Variants in FMNL2 observed in about 807,000 individuals in gnomAD.
FMNL2 encodes the protein formin like 2, also known as formin-like protein 2.
Under a neutral mutation model 130.2 loss-of-function variants are expected in FMNL2, and 51 were observed. That is an observed-to-expected ratio of 0.39 (90% CI 0.31 to 0.49). FMNL2 has a LOEUF of 0.49. FMNL2 is among the 20% of genes least tolerant of loss of function. The pLI, the probability that FMNL2 is intolerant of heterozygous loss-of-function variation, is 0.85. For missense variants in FMNL2, 977 were observed against 1,316.2 expected, an observed-to-expected ratio of 0.74 and a Z score of 3.99; for synonymous variants, 465 against 467.1, an observed-to-expected ratio of 1.00 and a Z score of 0.06.
chr2:152,593,611 G>C (rs1351546303), intron 9 of FMNL2, among the ~76,000 whole-genome samples: 1 of 152,164 alleles, frequency 6.6e-6, no homozygotes, highest in African/African-American at 2.4e-5. Context: ...TATGAGAATG[G>C]ACACGAGGAG....
chr2:152,339,220 G>A (rs1681660554), intron 1 of FMNL2, among the ~76,000 whole-genome samples: 1 of 151,734 alleles, frequency 6.6e-6, no homozygotes, highest in Admixed American at 6.6e-5. Flanking sequence ...ATCGGCTATC[G>A]TTAGTTTTTG....
At chr2:152,483,748 C>A (rs942961183) in intron 1 of FMNL2, among the ~76,000 whole-genome samples, 3 of 152,250 alleles carry the variant, frequency 2.0e-5, no homozygotes, top group African/African-American at 7.2e-5. Context: ...GGCGCCAGCA[C>A]TGCAACTACA....
chr2:152,458,945 G>A (rs927608708), intron 1 of FMNL2, among the ~76,000 whole-genome samples: 13 of 152,188 alleles, frequency 8.5e-5, no homozygotes, highest in African/African-American at 2.7e-4. Flanking sequence ...GTGCACCATC[G>A]TTTTGGAACC....
chr2:152,545,420 A>T (rs959222764), intron 3 of FMNL2, among the ~76,000 whole-genome samples: 25 of 151,846 alleles, frequency 1.6e-4, no homozygotes, highest in Middle Eastern at 6.3e-3. Context: ...TGCTTTTTTT[A>T]AAAAAAAATT....
At chr2:152,363,923 A>C (rs1251867904) in intron 1 of FMNL2, among the ~76,000 whole-genome samples, 1 of 151,838 alleles carries the variant, frequency 6.6e-6, no homozygotes, top group Non-Finnish European at 1.5e-5. Flanking sequence ...CTACATGAAT[A>C]TTTTTTGCTA....
chr2:152,364,261 G>GTGTTTT (rs1173644376), intron 1 of FMNL2, among the ~76,000 whole-genome samples: 3 of 24,456 alleles, frequency 1.2e-4, no homozygotes, highest in African/African-American at 3.8e-4. Context: ...AGGTTTGTGT[G>GTGTTTT]TTTTTTTTTT....
chr2:152,389,989 G>A (rs1685012361), intron 1 of FMNL2: 3 of 1,490,514 alleles, frequency 2.0e-6, no homozygotes, highest in South Asian at 1.2e-5. Flanking sequence ...CAGGCAGAGA[G>A]GCTGCAGCTA....
chr2:152,372,059 G>T (rs1683915691), intron 1 of FMNL2, among the ~76,000 whole-genome samples: 2 of 152,188 alleles, frequency 1.3e-5, no homozygotes, highest in African/African-American at 4.8e-5. Context: ...TGACACTACA[G>T]CTTCTTTAAG....
At chr2:152,619,816 T>C in intron 15 of FMNL2, 98 bp downstream of exon 15, 1 of 1,516,608 alleles carries the variant, frequency 6.6e-7, no homozygotes, top group African/African-American at 1.4e-5. Flanking sequence ...TCTCTTGCAA[T>C]GATGTGTATC....
At chr2:152,463,551 G>A (rs1245964483) in intron 1 of FMNL2, among the ~76,000 whole-genome samples, 1 of 152,190 alleles carries the variant, frequency 6.6e-6, no homozygotes, top group East Asian at 1.9e-4. Flanking sequence ...CTGGTACCAA[G>A]GGGTGGCAAG....
chr2:152,593,542 A>G (rs1191233034), intron 9 of FMNL2, among the ~76,000 whole-genome samples: 2 of 152,156 alleles, frequency 1.3e-5, no homozygotes, highest in Non-Finnish European at 2.9e-5. Flanking sequence ...GGCCATGGCA[A>G]TGAATATGAA....
At chr2:152,494,505 G>T (rs1691391923) in intron 1 of FMNL2, among the ~76,000 whole-genome samples, 1 of 152,130 alleles carries the variant, frequency 6.6e-6, no homozygotes, top group African/African-American at 2.4e-5. Flanking sequence ...TGTCTTGATT[G>T]TTTTTAAGTT....
chr2:152,444,899 G>C (rs1688255554), intron 1 of FMNL2, among the ~76,000 whole-genome samples: 1 of 152,210 alleles, frequency 6.6e-6, no homozygotes, highest in Non-Finnish European at 1.5e-5. Flanking sequence ...TAGTTGGTAG[G>C]CAGGATCTCA....
At chr2:152,559,250 C>A (rs549335954) in intron 5 of FMNL2, among the ~76,000 whole-genome samples, 5 of 152,248 alleles carry the variant, frequency 3.3e-5, no homozygotes, top group African/African-American at 1.2e-4. Context: ...GAAACAGATA[C>A]CAAACGTAGT....
chr2:152,558,378 A>C (rs1294020867), intron 4 of FMNL2, among the ~76,000 whole-genome samples: 1 of 152,210 alleles, frequency 6.6e-6, no homozygotes, highest in South Asian at 2.1e-4. Context: ...CATTGTCCAT[A>C]GTCTTGCTTC....
chr2:152,507,084 A>C (rs1460881716), intron 1 of FMNL2, among the ~76,000 whole-genome samples: 1 of 152,250 alleles, frequency 6.6e-6, no homozygotes, highest in East Asian at 1.9e-4. Context: ...GAACCACCTC[A>C]GGCTAGTGGC....
At chr2:152,561,472 G>T (rs1035190468) in intron 6 of FMNL2, among the ~76,000 whole-genome samples, 3 of 151,960 alleles carry the variant, frequency 2.0e-5, no homozygotes, top group Admixed American at 1.3e-4. Context: ...GTGTGCTGTG[G>T]GTGTTTTCTT....
chr2:152,427,902 G>A (rs960142966), intron 1 of FMNL2, among the ~76,000 whole-genome samples: 69 of 152,016 alleles, frequency 4.5e-4, no homozygotes, highest in African/African-American at 1.7e-3. Flanking sequence ...GGCCACACGT[G>A]GTCACCCTAT....
intron 1 of FMNL2, among the ~76,000 whole-genome samples, chr2:152,357,136 A>G (rs1241849389): frequency 1.5e-5 from 2 of 130,770 alleles, no homozygotes; most frequent in African/African-American, 2.8e-5. Flanking sequence ...AGTTTAATGT[A>G]TCACGATAAA....
Sources: gnomAD v4.1 joint callset for allele counts (sites outside exome capture counted in the v4.1 genomes callset) on GRCh38, gnomAD v4.1.1 for gene constraint, MANE v1.5 for transcripts, NCBI Gene and HGNC (gene_info 2026-07-23, HGNC 2026-07-21) for gene names.